The following SSU72 variants were observed in gnomAD, a reference collection of about 807,000 sequenced individuals.
SSU72 encodes the protein RNA polymerase II subunit A C-terminal domain phosphatase SSU72.
Under a neutral mutation model 22.7 loss-of-function variants are expected in SSU72, and 12 were observed. That is an observed-to-expected ratio of 0.53 (90% CI 0.34 to 0.86). The LOEUF (loss-of-function observed/expected upper bound fraction) is 0.86, where lower values mean the gene tolerates loss of function less well. Ranked by LOEUF, SSU72 falls within the 40% of genes least tolerant of loss-of-function variation. The probability of loss-of-function intolerance (pLI) is 0.02; values close to 1 mark genes in which losing one functional copy is unlikely to be tolerated. For synonymous variants in SSU72, 116 were observed against 98.3 expected, an observed-to-expected ratio of 1.18 and a Z score of -1.06; for missense variants, 151 against 249.8, an observed-to-expected ratio of 0.60 and a Z score of 2.67.
At chr1:1,549,138 T>C (rs1642426538) in intron 2 of SSU72, among the ~76,000 whole-genome samples, 2 of 152,172 alleles carry the variant, frequency 1.3e-5, no homozygotes, top group African/African-American at 4.8e-5. Context: ...ACGTTAAAAT[T>C]CTGTGGGGGA....
intron 1 of SSU72, among the ~76,000 whole-genome samples, chr1:1,566,628 A>C (rs578115827): frequency 6.6e-6 from 1 of 152,314 alleles, no homozygotes; most frequent in East Asian, 1.9e-4. Flanking sequence ...CGAGGTGGGC[A>C]GATCATGAGG....
At chr1:1,543,789 G>A in intron 4 of SSU72, 80 bp downstream of exon 4, 1 of 1,208,304 alleles carries the variant, frequency 8.3e-7, no homozygotes, top group South Asian at 1.2e-5. Flanking sequence ...CACGGCCTCG[G>A]CCACTCCCCT....
rs1642334710 is a variant in SSU72 at position 1,542,482 on chromosome 1, CG to C, written c.484-316del. 6.6e-6 allele frequency among the ~76,000 whole-genome samples: 1 copy of C among 152,136 alleles called. No individual in the cohort carries two copies. The highest frequency in any genetic ancestry group is 2.4e-5 in the African/African-American group (1 of 41,420). On this transcript the variant is annotated intron_variant, in intron 4 of 4. Coordinates refer to ENST00000291386, the MANE Select transcript of SSU72 (RefSeq NM_014188.3). The surrounding 1 kb of genome is among the most constrained non-coding windows in gnomAD (Gnocchi z 4.4). ...AGGGCTCAGACCCACACATGCACAG[CG>C]GGGCCGACCAACCCTCACCGCCAGC...
chr1:1,545,177 G>A (rs1642375948), intron 2 of SSU72, 175 bp from the exon 3 acceptor site: 2 of 705,312 alleles, frequency 2.8e-6, no homozygotes, highest in South Asian at 1.8e-5. Flanking sequence ...ACTGTCCTAG[G>A]AGGTCCCACA....
At chr1:1,548,529 C>T (rs1012196527) in intron 2 of SSU72, among the ~76,000 whole-genome samples, 38 of 138,914 alleles carry the variant, frequency 2.7e-4, no homozygotes, top group African/African-American at 8.8e-4. Flanking sequence ...ACTCTGGCCT[C>T]GGTGACAGGA....
chr1:1,565,305 G>A (rs1007371993), intron 1 of SSU72, among the ~76,000 whole-genome samples: 3 of 152,142 alleles, frequency 2.0e-5, no homozygotes, highest in Admixed American at 6.5e-5. Context: ...CCCGGGAGGC[G>A]GAGCTTGCAG....
In SSU72 at chr1:1,542,309, T is replaced by C; in HGVS notation, c.484-142A>G. On this transcript the variant is annotated intron_variant, in intron 4 of 4. Coordinates refer to ENST00000291386, the MANE Select transcript of SSU72 (RefSeq NM_014188.3). The surrounding 1 kb of genome is among the most constrained non-coding windows in gnomAD (Gnocchi z 4.4). ...AGGCCCTCACCCCACCGCTGCTGCC[T>C]CACAAGGACGGCCGGAGGCTGCAGG... The C allele has an allele frequency of 1.3e-6, 1 of 764,102 alleles. No individual in the cohort carries two copies. The allele number at this position is 764,102 out of a possible 1,614,324, so 47.3% of individuals were successfully genotyped here.
chr1:1,543,779 C>T (rs1642355881), intron 4 of SSU72, 90 bp downstream of exon 4: 1 of 1,062,386 alleles, frequency 9.4e-7, no homozygotes, highest in Non-Finnish European at 1.4e-6. Context: ...CCCCCTCTGT[C>T]ACGGCCTCGG....
intron 1 of SSU72, among the ~76,000 whole-genome samples, chr1:1,566,547 A>G (rs1258650361): frequency 6.6e-6 from 1 of 151,888 alleles, no homozygotes; most frequent in East Asian, 1.9e-4. Flanking sequence ...GGAGTTCCAT[A>G]TTATTTTAAA....
At chr1:1,572,253 C>T (rs1318051142) in intron 1 of SSU72, among the ~76,000 whole-genome samples, 1 of 142,632 alleles carries the variant, frequency 7.0e-6, no homozygotes, top group African/African-American at 2.5e-5. Flanking sequence ...TGGTGAAACC[C>T]CGTCTCTACT....
chr1:1,567,391 T>C (rs561783736), intron 1 of SSU72, among the ~76,000 whole-genome samples: 6 of 152,208 alleles, frequency 3.9e-5, no homozygotes, highest in South Asian at 4.1e-4. Context: ...TGTGGCACAA[T>C]AGCAGCGATT....
chr1:1,542,483 G>C lies in SSU72; in HGVS notation c.484-316C>G, dbSNP rs183357736. Among the ~76,000 whole-genome samples the C allele has an allele frequency of 6.6e-6, 1 of 152,084 alleles. No homozygotes were observed. Among genetic ancestry groups the C allele is most frequent in the Non-Finnish European group, 1.5e-5 (1 of 68,028 alleles). On this transcript the variant is annotated intron_variant, in intron 4 of 4. Coordinates refer to ENST00000291386, the MANE Select transcript of SSU72 (RefSeq NM_014188.3). This position sits in a 1 kb window ranked among gnomAD's most constrained non-coding sequence, Gnocchi z 4.4. The stretch of plus-strand genomic sequence containing the variant: ...GGGCTCAGACCCACACATGCACAGC[G>C]GGGCCGACCAACCCTCACCGCCAGC...
At chr1:1,574,044 G>A (rs563545206) in intron 1 of SSU72, among the ~76,000 whole-genome samples, 27 of 150,610 alleles carry the variant, frequency 1.8e-4, no homozygotes, top group African/African-American at 5.9e-4. Context: ...AGAAGAAGAA[G>A]TAGCAAACAC....
At chr1:1,566,263 C>T (rs1371894932) in intron 1 of SSU72, among the ~76,000 whole-genome samples, 1 of 151,318 alleles carries the variant, frequency 6.6e-6, no homozygotes, top group Non-Finnish European at 1.5e-5. Flanking sequence ...AGACTCTGTC[C>T]CAAAAAAACA....
chr1:1,543,476 G>C (rs1401064770), intron 4 of SSU72, among the ~76,000 whole-genome samples: 3 of 152,180 alleles, frequency 2.0e-5, no homozygotes, highest in Non-Finnish European at 2.9e-5. Context: ...GGGCATTGCA[G>C]GGGGGCCTCC....
chr1:1,570,975 G>A lies in SSU72; in HGVS notation c.80+3503C>T, dbSNP rs999728139. Among the ~76,000 whole-genome samples the A allele has an allele frequency of 3.9e-5, 6 of 151,918 alleles. No homozygotes were observed. In the South Asian group the frequency reaches 1.0e-3, roughly 26 times the overall value. ...AAATACAAAAAATTTGGCCGGGCGC[G>A]GTGGCTCACGCCTGTAATCCCAGCA... On this transcript the variant is annotated intron_variant, in intron 1 of 4. Coordinates refer to ENST00000291386, the MANE Select transcript of SSU72 (RefSeq NM_014188.3).
chr1:1,552,931 G>A (rs1324803078), intron 2 of SSU72, among the ~76,000 whole-genome samples: 1 of 147,402 alleles, frequency 6.8e-6, no homozygotes, highest in Non-Finnish European at 1.5e-5. Context: ...TGAAGCAGGA[G>A]AAACTATTGA....
chr1:1,574,391 G>C, intron 1 of SSU72, 87 bp downstream of exon 1: 1 of 1,415,720 alleles, frequency 7.1e-7, no homozygotes, highest in Non-Finnish European at 9.6e-7. Context: ...CCTCTCAGGG[G>C]TCCTGGCGCG....
intron 2 of SSU72, 59 bp from the exon 3 acceptor site, chr1:1,545,061 C>CCAAGGCA: frequency 6.4e-7 from 1 of 1,573,922 alleles, no homozygotes; most frequent in Non-Finnish European, 8.6e-7. Context: ...AGCCTGGAAG[C>CCAAGGCA]GCCTGTGTCC....
Sources: allele counts gnomAD v4.1 joint callset (sites outside exome capture counted in the v4.1 genomes callset), GRCh38; gene constraint gnomAD v4.1.1; non-coding constraint Gnocchi (gnomAD v3.1); transcripts MANE v1.5; gene names NCBI Gene and HGNC (gene_info 2026-07-23, HGNC 2026-07-21).